The following NRXN3 variants were observed in gnomAD, a reference collection of about 807,000 sequenced individuals.
NRXN3 encodes neurexin III.
In NRXN3, 32 loss-of-function variants were observed where a neutral mutation model predicts 137.6. The observed-to-expected ratio is 0.23, with a 90% confidence interval of 0.18 to 0.31. The LOEUF is 0.31. Ranked by LOEUF, NRXN3 falls within the 10% of genes least tolerant of loss-of-function variation. The pLI, the probability that NRXN3 is intolerant of heterozygous loss-of-function variation, is 1.00. For missense variants in NRXN3, 1,574 were observed against 2,062.5 expected, an observed-to-expected ratio of 0.76 and a Z score of 4.59; for synonymous variants, 798 against 784.5, an observed-to-expected ratio of 1.02 and a Z score of -0.29.
At chr14:79,279,603 C>A in intron 15 of NRXN3, 1 of 987,134 alleles carries the variant, frequency 1.0e-6, no homozygotes, top group Non-Finnish European at 1.2e-6. Context: ...CCTCTGGCTG[C>A]GGTGGCTGCT....
At chr14:78,906,841 T>G (rs1365546337) in intron 10 of NRXN3, among the ~76,000 whole-genome samples, 4 of 148,658 alleles carry the variant, frequency 2.7e-5, no homozygotes, top group African/African-American at 7.4e-5. Flanking sequence ...AAAGAAAAGG[T>G]TTTTTTTTTC....
chr14:78,817,597 G>T (rs949177524), intron 10 of NRXN3, among the ~76,000 whole-genome samples: 1 of 152,092 alleles, frequency 6.6e-6, no homozygotes, highest in African/African-American at 2.4e-5. Flanking sequence ...ATTTGGCGAG[G>T]GCTTCATGCT....
intron 15 of NRXN3, among the ~76,000 whole-genome samples, chr14:79,078,919 G>C (rs1162463273): frequency 6.6e-6 from 1 of 151,884 alleles, no homozygotes; most frequent in Non-Finnish European, 1.5e-5. Flanking sequence ...TGATTCTTGT[G>C]TAGGGATACC....
chr14:78,527,981 G>A (rs1248432903), intron 4 of NRXN3, among the ~76,000 whole-genome samples: 5 of 152,198 alleles, frequency 3.3e-5, no homozygotes, highest in Non-Finnish European at 4.4e-5. Flanking sequence ...GAGAAGAAAA[G>A]CAGACAACTG....
intron 16 of NRXN3, among the ~76,000 whole-genome samples, chr14:79,489,338 G>C (rs1047203834): frequency 6.6e-6 from 1 of 152,100 alleles, no homozygotes; most frequent in Non-Finnish European, 1.5e-5. Flanking sequence ...TAGAGGAGGT[G>C]ATTCTCCGAG....
intron 16 of NRXN3, among the ~76,000 whole-genome samples, chr14:79,580,323 G>T (rs904006103): frequency 6.6e-6 from 1 of 152,122 alleles, no homozygotes; most frequent in African/African-American, 2.4e-5. Flanking sequence ...GGGATTGCTG[G>T]TGGATGGAGT....
chr14:79,648,512 G>C (rs1341777349), intron 16 of NRXN3, among the ~76,000 whole-genome samples: 3 of 135,896 alleles, frequency 2.2e-5, no homozygotes, highest in African/African-American at 7.3e-5. Context: ...ACTCGATCCA[G>C]CATAAAGTCT....
chr14:78,298,529 G>T (rs781198785), intron 4 of NRXN3, among the ~76,000 whole-genome samples: 3 of 152,236 alleles, frequency 2.0e-5, no homozygotes, highest in Non-Finnish European at 2.9e-5. Flanking sequence ...GGAATGAACT[G>T]TGCAGGAAAT....
intron 20 of NRXN3, among the ~76,000 whole-genome samples, chr14:79,808,254 AAAT>A (rs1354916451): frequency 0.015 from 1,854 of 127,544 alleles, 36 homozygotes; most frequent in African/African-American, 0.059. Context: ...AAAAAAAAAA[AAAT>A]ATATATATAT....
At chr14:78,267,388 A>G (rs991303297) in intron 2 of NRXN3, among the ~76,000 whole-genome samples, 2 of 152,236 alleles carry the variant, frequency 1.3e-5, no homozygotes, top group African/African-American at 4.8e-5. Flanking sequence ...ATATGGTGAA[A>G]TGTCTTTACA....
chr14:78,802,238 G>C (rs1330134082), intron 8 of NRXN3, among the ~76,000 whole-genome samples: 2 of 152,196 alleles, frequency 1.3e-5, no homozygotes, highest in African/African-American at 2.4e-5. Flanking sequence ...CAAATCCAGA[G>C]ATGCTGTGTG....
At chr14:79,643,162 G>T (rs2098440113) in intron 16 of NRXN3, among the ~76,000 whole-genome samples, 1 of 136,000 alleles carries the variant, frequency 7.4e-6, no homozygotes, top group African/African-American at 2.5e-5. Flanking sequence ...CCACAAAGAT[G>T]CCACTTTAGT....
In NRXN3 at chr14:78,490,818, G is replaced by A. The variant is rs112294990; in HGVS notation, c.758-154302G>A. 8.4e-3 allele frequency among the ~76,000 whole-genome samples: 1,279 copies of A among 152,184 alleles called. 19 individuals carry two copies. Among genetic ancestry groups the A allele is most frequent in the African/African-American group, 0.03 (1,226 of 41,524 alleles). On this transcript the variant is annotated intron_variant, in intron 4 of 20. Coordinates refer to ENST00000335750, the MANE Select transcript of NRXN3 (RefSeq NM_001330195.2). ...CGATTTTACATGCAAGAAAACCAAGGCACAGACAGAGTAGGTAACTTGTCC... is the reference window on the plus strand; with the variant it reads ...CGATTTTACATGCAAGAAAACCAAGACACAGACAGAGTAGGTAACTTGTCC...
intron 17 of NRXN3, among the ~76,000 whole-genome samples, chr14:79,674,678 T>G (rs2098631105): frequency 6.6e-6 from 1 of 152,110 alleles, no homozygotes; most frequent in Non-Finnish European, 1.5e-5. Flanking sequence ...CAAATTCACA[T>G]GCAAATGTAC....
chr14:78,232,315 AGCACAGTGGGG>A (rs1181881380), intron 1 of NRXN3, among the ~76,000 whole-genome samples: 4 of 152,244 alleles, frequency 2.6e-5, no homozygotes, highest in African/African-American at 9.6e-5. Flanking sequence ...GGGAATAATT[AGCACAGTGGGG>A]GCTTTACTGT....
intron 8 of NRXN3, among the ~76,000 whole-genome samples, chr14:78,724,869 G>A (rs1258492210): frequency 6.6e-6 from 1 of 152,150 alleles, no homozygotes. Flanking sequence ...CCAACAGAGA[G>A]GATACTGGGG....
chr14:78,667,186 T>C (rs2097894211), intron 6 of NRXN3, among the ~76,000 whole-genome samples: 1 of 152,080 alleles, frequency 6.6e-6, no homozygotes, highest in South Asian at 2.1e-4. Flanking sequence ...ATTTAGGAGG[T>C]AGACTTCCAG....
At chr14:78,608,663 A>T (rs1045736913) in intron 4 of NRXN3, among the ~76,000 whole-genome samples, 12 of 152,204 alleles carry the variant, frequency 7.9e-5, no homozygotes, top group African/African-American at 2.9e-4. Flanking sequence ...GTCGACTGAG[A>T]TGGGTAATCT....
At position 79,598,460 on chromosome 14, in the gene NRXN3, C is replaced by T. The variant is rs373765479; in HGVS notation, c.3445-65318C>T. 1.7e-4 allele frequency among the ~76,000 whole-genome samples: 26 copies of T among 152,258 alleles called. No homozygotes were observed. The East Asian group carries it at 3.5e-3, about 20-fold the overall frequency. On this transcript the variant is annotated intron_variant, in intron 16 of 20. Coordinates refer to ENST00000335750, the MANE Select transcript of NRXN3 (RefSeq NM_001330195.2). ...AAGTGACATTTTGGCTCCATTTTCTCGTATTTTATGCAAGAAGCTGGGAAT... is the reference window on the plus strand; with the variant it reads ...AAGTGACATTTTGGCTCCATTTTCTTGTATTTTATGCAAGAAGCTGGGAAT...
Sources: allele counts gnomAD v4.1 joint callset (sites outside exome capture counted in the v4.1 genomes callset), GRCh38; gene constraint gnomAD v4.1.1; transcripts MANE v1.5; gene names NCBI Gene and HGNC (gene_info 2026-07-23, HGNC 2026-07-21).